TNC: variants seen among roughly 807,000 people sequenced by gnomAD.
TNC encodes tenascin C, also known as tenascin.
A neutral mutation model predicts 202.4 loss-of-function variants in TNC; 109 were observed. The observed-to-expected ratio is 0.54, with a 90% CI of 0.46 to 0.63. The LOEUF (loss-of-function observed/expected upper bound fraction) is 0.63. Among genes scored for constraint, TNC ranks in the 30% least tolerant of loss-of-function variants. The pLI is 0.00. For synonymous variants in TNC, 1,007 were observed against 1,089.7 expected (o/e 0.92, Z 1.50); for missense variants, 2,756 against 2,833.3 (o/e 0.97, Z 0.62).
At chr9:115,068,328 T>A (rs1030527616) in intron 10 of TNC, among the ~76,000 whole-genome samples, 11 of 152,208 alleles carry the variant, frequency 7.2e-5, no homozygotes, top group African/African-American at 1.9e-4. Flanking sequence ...GTGCTCCTGG[T>A]GGGTTGAGCA....
In TNC at chr9:115,024,062, A is replaced by G; in HGVS notation, c.6406T>C (p.Cys2136Arg). The part of the protein sequence containing the change: ...DKDTDSAITN[C>R]ALSYKGAFWY... ...AAAGCCCCTTTGTAGGACAGAGCACAGTTGGTGATGGCTGAATCTGTGTCC... is the reference window on the plus strand; with the variant it reads ...AAAGCCCCTTTGTAGGACAGAGCACGGTTGGTGATGGCTGAATCTGTGTCC... Residue 2136 changes from cysteine (C) to arginine (R), a missense_variant, in exon 27 of 28, where the codon TGT (cysteine) becomes CGT (arginine). Coordinates refer to ENST00000350763, the MANE Select transcript of TNC (RefSeq NM_002160.4). 6.2e-7 allele frequency: 1 copy of G among 1,614,144 alleles called. No homozygotes were observed. The highest frequency in any genetic ancestry group is 8.5e-7 in the Non-Finnish European group (1 of 1,179,992).
chr9:115,065,137 T>G (rs1832848803), intron 10 of TNC, among the ~76,000 whole-genome samples: 1 of 152,196 alleles, frequency 6.6e-6, no homozygotes, highest in Non-Finnish European at 1.5e-5. Flanking sequence ...GGCTCGAGCC[T>G]GTAATCCCAG....
At chr9:115,042,051 C>T (rs114806728) in intron 18 of TNC, among the ~76,000 whole-genome samples, 168 bp downstream of exon 18, 160 of 152,264 alleles carry the variant, frequency 1.1e-3, no homozygotes, top group African/African-American at 3.7e-3. Flanking sequence ...TTCTAAGAAC[C>T]TCATAGCACT....
In TNC at chr9:115,064,858, G is replaced by T. The variant is rs1191522057; in HGVS notation, c.3276C>A (p.Leu1092=). 2 of 1,614,174 alleles carry T rather than the reference G, an allele frequency of 1.2e-6. No individual in the cohort carries two copies. Among genetic ancestry groups the T allele is most frequent in the Non-Finnish European group, 1.7e-6 (2 of 1,180,032 alleles). Residue 1092 remains leucine, a synonymous_variant, in exon 11 of 28, where the codon CTC becomes CTA. Coordinates refer to ENST00000350763, the MANE Select transcript of TNC (RefSeq NM_002160.4). ...VTEVGWDGLR[L]NWTAADQAYE... ...AGGCCTGGTCAGCTGCGGTCCAGTT[G>T]AGTCTGAGGCCATCCCAGCCAACCT...
At chr9:115,102,843 A>T (rs1464010025) in intron 1 of TNC, among the ~76,000 whole-genome samples, 1 of 152,246 alleles carries the variant, frequency 6.6e-6, no homozygotes, top group Non-Finnish European at 1.5e-5. Flanking sequence ...GAACATAGTA[A>T]ATGCACAATA....
intron 20 of TNC, among the ~76,000 whole-genome samples, chr9:115,037,983 G>A (rs1350039892): frequency 1.3e-5 from 2 of 152,196 alleles, no homozygotes; most frequent in East Asian, 3.8e-4. Context: ...CCTAAACGGG[G>A]TGTCTCACAC....
intron 6 of TNC, 89 bp downstream of exon 6, chr9:115,081,683 T>C: frequency 7.2e-7 from 1 of 1,382,360 alleles, no homozygotes; most frequent in East Asian, 2.3e-5. Context: ...ATGATGTAGA[T>C]GCTATATGAG....
chr9:115,065,012 T>C, intron 10 of TNC, 93 bp from the exon 11 acceptor site: 11 of 1,450,946 alleles, frequency 7.6e-6, no homozygotes, highest in South Asian at 3.9e-5. Context: ...GCCACATCTA[T>C]AGGCCATTGC....
chr9:115,054,782 T>C (rs916160993), intron 15 of TNC, among the ~76,000 whole-genome samples: 1 of 152,210 alleles, frequency 6.6e-6, no homozygotes, highest in African/African-American at 2.4e-5. Context: ...TTTCAAAATT[T>C]AATGCTCTGA....
chr9:115,091,265 GATA>G, intron 1 of TNC, 111 bp from the exon 2 acceptor site: 1 of 493,994 alleles, frequency 2.0e-6, no homozygotes, highest in South Asian at 2.8e-5. Context: ...AAGCTCTCCT[GATA>G]ATTTTTCATT....
intron 1 of TNC, among the ~76,000 whole-genome samples, chr9:115,117,208 T>A (rs1837533023): frequency 2.0e-5 from 3 of 152,212 alleles, no homozygotes; most frequent in South Asian, 4.2e-4. Flanking sequence ...CACTGATGGG[T>A]GAGAAGAACC....
At chr9:115,043,967 G>A (rs1013365256) in intron 17 of TNC, among the ~76,000 whole-genome samples, 4 of 152,164 alleles carry the variant, frequency 2.6e-5, no homozygotes, top group Admixed American at 6.5e-5. Context: ...TGTAAACCTC[G>A]TGGCTGACCT....
intron 1 of TNC, among the ~76,000 whole-genome samples, chr9:115,110,232 G>A (rs1332074462): frequency 1.3e-5 from 2 of 152,194 alleles, no homozygotes; most frequent in African/African-American, 4.8e-5. Flanking sequence ...GAATAAAAGG[G>A]TTGATGTGAA....
At chr9:115,102,529 T>C (rs1254881629) in intron 1 of TNC, among the ~76,000 whole-genome samples, 1 of 152,238 alleles carries the variant, frequency 6.6e-6, no homozygotes, top group East Asian at 1.9e-4. Context: ...TAAAGAAATC[T>C]ACTATTGAAA....
intron 1 of TNC, among the ~76,000 whole-genome samples, chr9:115,094,764 C>G (rs866924964): frequency 1.3e-5 from 2 of 151,206 alleles, no homozygotes; most frequent in African/African-American, 4.9e-5. Context: ...GAAATCCTGG[C>G]AAAGCAGGCA....
intron 2 of TNC, 144 bp from the exon 3 acceptor site, chr9:115,087,417 G>A (rs1834855119): frequency 1.3e-6 from 1 of 775,966 alleles, no homozygotes; most frequent in Admixed American, 2.8e-5. Flanking sequence ...TTGTTGTAGT[G>A]TGTGAAATCA....
In TNC at chr9:115,059,778, C is replaced by A. The variant is rs750201963; in HGVS notation, c.4258G>T (p.Val1420Leu). The A allele has an allele frequency of 6.2e-7, 1 of 1,613,948 alleles. No homozygotes were observed. Among genetic ancestry groups the A allele is most frequent in the Non-Finnish European group, 8.5e-7 (1 of 1,179,972 alleles). Residue 1420 changes from valine to leucine, a missense_variant, in exon 14 of 28, where the codon GTG becomes TTG. Val to Leu is a conservative substitution (Grantham distance 32). Transcript: ENST00000350763. Reference sequence around the variant, plus strand: ...ACTGGTGTTCTATAGCCCCGGATCACCCCATAGATGGAGACTCTATAAGGC... The same window carrying A: ...ACTGGTGTTCTATAGCCCCGGATCAACCCATAGATGGAGACTCTATAAGGC... The part of the protein sequence containing the change: ...ATPYRVSIYG[V>L]IRGYRTPVLS...
Position 115,076,442 on chromosome 9 carries a change from A to C in TNC, c.2808T>G (p.Ala936=). 6.2e-7 allele frequency: 1 copy of C among 1,614,180 alleles called. No individual in the cohort carries two copies. The highest frequency in any genetic ancestry group is 8.5e-7 in the Non-Finnish European group (1 of 1,180,040). The part of the protein sequence containing the change: ...KYAPISGGDH[A]EVDVPKSQQA... ...GTTGGCTCTTTGGAACATCAACCTCAGCGTGGTCCCCTCCAGAGATGGGGG... is the reference window on the plus strand; with the variant it reads ...GTTGGCTCTTTGGAACATCAACCTCCGCGTGGTCCCCTCCAGAGATGGGGG... The change falls in exon 8 of 28, where the codon GCT becomes GCG. Residue 936 remains alanine (A), a synonymous_variant. Transcript: ENST00000350763.
At chr9:115,084,653 G>C (rs570165850) in intron 3 of TNC, among the ~76,000 whole-genome samples, 181 bp from the exon 4 acceptor site, 1 of 152,228 alleles carries the variant, frequency 6.6e-6, no homozygotes, top group Non-Finnish European at 1.5e-5. Flanking sequence ...TGTGGTGGCT[G>C]TTCCTTAGTC....
Sources: allele counts gnomAD v4.1 joint callset (sites outside exome capture counted in the v4.1 genomes callset), GRCh38; gene constraint gnomAD v4.1.1; transcripts MANE v1.5; gene names NCBI Gene and HGNC (gene_info 2026-07-23, HGNC 2026-07-21).